The following CCND3 variants were observed in gnomAD, a reference collection of about 807,000 sequenced individuals.
CCND3 encodes the protein cyclin D3, also known as G1/S-specific cyclin-D3.
In CCND3, 9 loss-of-function variants were observed where a neutral mutation model predicts 28.7. The ratio of observed to expected loss-of-function variants is 0.31; its 90% CI spans 0.19 to 0.55. CCND3 has a LOEUF of 0.55. Ranked by LOEUF, CCND3 falls within the 20% of genes least tolerant of loss-of-function variation. The pLI is 0.93. For synonymous variants in CCND3, 164 were observed against 163.9 expected, an observed-to-expected ratio of 1.00 and a Z score of 0.00; for missense variants, 315 against 385.8, an observed-to-expected ratio of 0.82 and a Z score of 1.54.
At chr6:42,023,049 AC>A (rs1194833465) in intron 1 of CCND3, among the ~76,000 whole-genome samples, 5 of 152,080 alleles carry the variant, frequency 3.3e-5, no homozygotes, top group African/African-American at 1.2e-4. Flanking sequence ...AAAATTTGTG[AC>A]CCCGAAATCA....
intron 1 of CCND3, among the ~76,000 whole-genome samples, chr6:42,024,091 G>A (rs903610970): frequency 2.0e-5 from 3 of 152,114 alleles, no homozygotes; most frequent in Non-Finnish European, 4.4e-5. Flanking sequence ...TAAGGGCACT[G>A]AGGCACAGAG....
Position 41,936,331 on chromosome 6 carries a change from G to A in CCND3, c.712-224C>T. The A allele has an allele frequency of 1.5e-6, 1 of 659,760 alleles. No individual in the cohort carries two copies. The highest frequency in any genetic ancestry group is 2.1e-5 in the South Asian group (1 of 48,568). The allele number at this position is 659,760 out of a possible 1,614,324, so 40.9% of individuals were successfully genotyped here. A position where few individuals can be genotyped will look rare whatever the true frequency, so the allele number is the denominator to read the frequency against. ...CACCAAACCCCCCACCCCCACTCCAGCACACCACTTGGCAAGAAAAGAACC... is the reference window on the plus strand; with the variant it reads ...CACCAAACCCCCCACCCCCACTCCAACACACCACTTGGCAAGAAAAGAACC... On this transcript the variant is annotated intron_variant, in intron 4 of 4. Transcript: ENST00000372991. This position sits in a 1 kb window ranked among gnomAD's most constrained non-coding sequence, Gnocchi z 4.4.
chr6:41,977,764 G>A (rs567045120), intron 1 of CCND3, among the ~76,000 whole-genome samples: 2 of 152,146 alleles, frequency 1.3e-5, no homozygotes, highest in East Asian at 1.9e-4. Flanking sequence ...CCAGCCTCCC[G>A]AATCGACCAT....
rs561274602 is a variant in CCND3, at chr6:42,028,236, G to A, written c.-46+20265C>T. 2.0e-5 allele frequency among the ~76,000 whole-genome samples: 3 copies of A among 152,314 alleles called. No homozygotes were observed. In the East Asian group the frequency reaches 5.8e-4, roughly 29 times the overall value. On this transcript the variant is annotated intron_variant, in intron 1 of 4. Transcript: ENST00000372988. ...AGGAGACCTGATGACCTCCCTGGTG[G>A]AGGGTGGCCAGGGAAGGAGTGGAAG...
At chr6:42,001,481 C>A (rs1763010168) in intron 1 of CCND3, among the ~76,000 whole-genome samples, 1 of 152,088 alleles carries the variant, frequency 6.6e-6, no homozygotes, top group Non-Finnish European at 1.5e-5. Flanking sequence ...AGAAGCCAGG[C>A]ACAAAGAGAA....
intron 1 of CCND3, among the ~76,000 whole-genome samples, chr6:41,950,669 A>G (rs916970544): frequency 1.3e-5 from 2 of 151,354 alleles, no homozygotes; most frequent in Non-Finnish European, 2.9e-5. Context: ...GCCCTGGGAC[A>G]TGCTGGACAT....
At chr6:41,958,038 CCAGA>C (rs958450916) in intron 1 of CCND3, among the ~76,000 whole-genome samples, 1 of 131,672 alleles carries the variant, frequency 7.6e-6, no homozygotes, top group Non-Finnish European at 1.6e-5. Flanking sequence ...TCTCTGTCAC[CCAGA>C]CAGACAGACC....
At chr6:41,998,230 G>A (rs1327463031) in intron 1 of CCND3, among the ~76,000 whole-genome samples, 2 of 146,450 alleles carry the variant, frequency 1.4e-5, no homozygotes, top group Non-Finnish European at 3.0e-5. Context: ...GGAGGTTGCA[G>A]AAAGCTGAGA....
chr6:42,048,434 C>A lies in CCND3; in HGVS notation c.-46+67G>T. 2.4e-6 allele frequency: 1 copy of A among 422,368 alleles called. No individual in the cohort carries two copies. The highest frequency in any genetic ancestry group is 6.9e-5 in the East Asian group (1 of 14,512). The allele number at this position is 422,368 out of a possible 1,614,324, so 26.2% of individuals were successfully genotyped here. A position where few individuals can be genotyped will look rare whatever the true frequency, so the allele number is the denominator to read the frequency against. On this transcript the variant is annotated intron_variant, in intron 1 of 4. Coordinates refer to the CCND3 transcript ENST00000372988. The surrounding 1 kb of genome is among the most constrained non-coding windows in gnomAD (Gnocchi z 4.7). ...CCATTGACCCACCCAGCACCGATCC[C>A]CAACGCATGGTCTCCAGCCTGAGCT...
chr6:42,022,711 T>A (rs77898797), intron 1 of CCND3, among the ~76,000 whole-genome samples: 1 of 152,164 alleles, frequency 6.6e-6, no homozygotes, highest in South Asian at 2.1e-4. Context: ...CCTTTACACA[T>A]GCGTGGGTCT....
chr6:42,042,945 C>T (rs894371317), intron 1 of CCND3, among the ~76,000 whole-genome samples: 2 of 152,312 alleles, frequency 1.3e-5, no homozygotes, highest in Non-Finnish European at 2.9e-5. Flanking sequence ...GAGGCTCTCT[C>T]GACCACTCCA....
intron 1 of CCND3, among the ~76,000 whole-genome samples, chr6:42,028,774 T>A (rs1415517890): frequency 1.3e-5 from 2 of 152,156 alleles, no homozygotes; most frequent in East Asian, 1.9e-4. Context: ...ACAGGGCTGT[T>A]GAGAAGAAGG....
chr6:41,946,462 G>A (rs182038202), upstream of CCND3, among the ~76,000 whole-genome samples: 10 of 151,590 alleles, frequency 6.6e-5, no homozygotes, highest in African/African-American at 2.4e-4. Flanking sequence ...TTAGCCGAAC[G>A]CAGTGGCGCA....
At chr6:41,984,730 G>C (rs75961971) in intron 1 of CCND3, among the ~76,000 whole-genome samples, 4,896 of 152,132 alleles carry the variant, frequency 0.032, 271 homozygotes, top group African/African-American at 0.11. Context: ...CCACCAACGG[G>C]ACTGTGTGCA....
chr6:41,991,162 G>T (rs915210723), intron 1 of CCND3, among the ~76,000 whole-genome samples: 1 of 151,896 alleles, frequency 6.6e-6, no homozygotes, highest in Non-Finnish European at 1.5e-5. Flanking sequence ...GGGTTCAAGC[G>T]ATTCTTCTGC....
Position 41,935,490 on chromosome 6 carries a change from CAT to C in CCND3, c.*448_*449del, listed in dbSNP as rs954115499. ...AGGAGCCATCTAGACTATTCCCCCT[CAT>C]ATGTGTCTATCATGCATTAAATTTT... On this transcript the variant is annotated 3_prime_UTR_variant, in exon 5 of 5. Coordinates refer to ENST00000372991, the MANE Select transcript of CCND3 (RefSeq NM_001760.5). 3 of 289,242 alleles carry C rather than the reference CAT, an allele frequency of 1.0e-5. No homozygotes were observed. The highest frequency in any genetic ancestry group is 2.0e-5 in the Non-Finnish European group (3 of 153,476). The allele number at this position is 289,242 out of a possible 1,614,324, so 17.9% of individuals were successfully genotyped here.
chr6:41,970,094 A>G (rs1026069076), intron 1 of CCND3, among the ~76,000 whole-genome samples: 7 of 152,288 alleles, frequency 4.6e-5, no homozygotes, highest in Admixed American at 4.6e-4. Context: ...TAATCTCAGC[A>G]TTTTGGGAGA....
chr6:42,025,643 C>T (rs1423176013), intron 1 of CCND3, among the ~76,000 whole-genome samples: 9 of 152,336 alleles, frequency 5.9e-5, no homozygotes, highest in Non-Finnish European at 1.2e-4. Flanking sequence ...GCACCCCGGC[C>T]GCCCCACGAT....
intron 1 of CCND3, among the ~76,000 whole-genome samples, chr6:42,034,404 T>A (rs922721352): frequency 1.4e-5 from 2 of 143,548 alleles, no homozygotes; most frequent in African/African-American, 5.2e-5. Flanking sequence ...CGCCCTGGCC[T>A]CCCAAAGTGC....
Sources: allele counts gnomAD v4.1 joint callset (sites outside exome capture counted in the v4.1 genomes callset), GRCh38; gene constraint gnomAD v4.1.1; non-coding constraint Gnocchi (gnomAD v3.1); transcripts MANE v1.5; gene names NCBI Gene and HGNC (gene_info 2026-07-23, HGNC 2026-07-21).